Variants in NRSN1 observed in about 807,000 individuals in gnomAD.
The protein encoded by NRSN1 is neurensin 1.
Under a neutral mutation model 17.3 loss-of-function variants are expected in NRSN1, and 14 were observed. The ratio of observed to expected loss-of-function variants is 0.81; its 90% CI spans 0.54 to 1.27. The LOEUF (loss-of-function observed/expected upper bound fraction) is 1.27. Ranked by LOEUF, NRSN1 falls within the 50% of genes most tolerant of loss-of-function variation. The pLI is 0.00. For synonymous variants in NRSN1, 79 were observed against 94.2 expected (o/e 0.84, Z 0.93); for missense variants, 209 against 235.9 (o/e 0.89, Z 0.75).
At chr6:24,133,550 C>T (rs1760069267) in intron 2 of NRSN1, among the ~76,000 whole-genome samples, 1 of 152,192 alleles carries the variant, frequency 6.6e-6, no homozygotes, top group Non-Finnish European at 1.5e-5. Flanking sequence ...CTAAGACAAA[C>T]TCCATCTTCA....
At chr6:24,142,597 T>G (rs537688872) in intron 3 of NRSN1, among the ~76,000 whole-genome samples, 2 of 152,108 alleles carry the variant, frequency 1.3e-5, no homozygotes, top group Non-Finnish European at 2.9e-5. Flanking sequence ...GTAGCTGGGA[T>G]TACTGGCATG....
intron 3 of NRSN1, chr6:24,140,895 C>CTTTCCTTTCCAAT: frequency 7.6e-7 from 1 of 1,308,824 alleles, no homozygotes; most frequent in Non-Finnish European, 9.8e-7. Context: ...AATAAGTTCT[C>CTTTCCTTTCCAAT]TTTCCTTTCC....
chr6:24,143,208 C>G (rs1359765594), intron 3 of NRSN1, among the ~76,000 whole-genome samples: 1 of 152,188 alleles, frequency 6.6e-6, no homozygotes, highest in Non-Finnish European at 1.5e-5. Flanking sequence ...GGCTTCACCT[C>G]TCAGTCTCAA....
In NRSN1 at chr6:24,142,502, A is replaced by G. The variant is rs1581552810; in HGVS notation, c.190-3046A>G. Among the ~76,000 whole-genome samples the G allele has an allele frequency of 3.9e-5, 6 of 151,996 alleles. No homozygotes were observed. In the South Asian group the frequency reaches 1.3e-3, roughly 32 times the overall value. ...AGACAGAGTCTCACTCTTGTTGCCC[A>G]GGCTGGAGTACAACAATGTGATCTC... is the stretch of plus-strand genomic sequence containing the variant. On this transcript the variant is annotated intron_variant, in intron 3 of 3. Transcript: ENST00000378491.
chr6:24,143,745 A>G (rs989887325), intron 3 of NRSN1, among the ~76,000 whole-genome samples: 2 of 152,224 alleles, frequency 1.3e-5, no homozygotes, highest in African/African-American at 4.8e-5. Flanking sequence ...CTTTCCAAAT[A>G]AGAAGAATAG....
chr6:24,138,272 T>G (rs1296427662), intron 3 of NRSN1, among the ~76,000 whole-genome samples: 1 of 152,152 alleles, frequency 6.6e-6, no homozygotes, highest in Non-Finnish European at 1.5e-5. Flanking sequence ...CCACTTCTAA[T>G]TTATCCCACT....
intron 3 of NRSN1, among the ~76,000 whole-genome samples, chr6:24,140,133 T>C (rs1760179327): frequency 6.6e-6 from 1 of 152,150 alleles, no homozygotes; most frequent in African/African-American, 2.4e-5. Flanking sequence ...ATAAATTAGA[T>C]TTGACATTAG....
At position 24,145,792 on chromosome 6, in the gene NRSN1, A is replaced by G. The variant is rs907586052; in HGVS notation, c.434A>G (p.Lys145Arg). Residue 145 changes from lysine (K) to arginine (R), a missense_variant, in exon 4 of 4, where the codon AAA becomes AGA. Lys to Arg is a conservative substitution (Grantham distance 26, BLOSUM62 2). Transcript: ENST00000378491. The surrounding 1 kb of genome is among the most constrained non-coding windows in gnomAD (Gnocchi z 4.4). ...LMSVFVKSYS[K>R]EEKFLQQKFK... ...TCGGTGTTTGTAAAGAGCTACTCCA[A>G]AGAAGAAAAATTCCTCCAGCAGAAG... 1 of 1,614,184 alleles carries G rather than the reference A, an allele frequency of 6.2e-7. No individual in the cohort carries two copies. The highest frequency in any genetic ancestry group is 1.1e-5 in the South Asian group (1 of 91,086).
rs538911250 is a variant in NRSN1, at chr6:24,134,615, G to T, written c.189+99G>T. On this transcript the variant is annotated intron_variant, in intron 3 of 3. Coordinates refer to ENST00000378491, the MANE Select transcript of NRSN1 (RefSeq NM_080723.5). The stretch of plus-strand genomic sequence containing the variant: ...GATGGAGAGGTTTAGTACTCGCTGT[G>T]TGTGCATCACTCTTGGTGATACTAA... 4.3e-4 allele frequency: 401 copies of T among 927,404 alleles called. 7 individuals are homozygous for T. The South Asian group carries it at 6.1e-3, about 14-fold the overall frequency. 57.4% of individuals were successfully genotyped at this position (927,404 alleles called of 1,614,324 possible).
At chr6:24,134,645 A>G in intron 3 of NRSN1, 129 bp downstream of exon 3, 1 of 724,396 alleles carries the variant, frequency 1.4e-6, no homozygotes, top group East Asian at 2.7e-5. Flanking sequence ...TACTAAATGC[A>G]TTTTTCTTAC....
At chr6:24,140,865 A>G (rs1760192486) in intron 3 of NRSN1, 1 of 1,294,232 alleles carries the variant, frequency 7.7e-7, no homozygotes, top group Non-Finnish European at 9.9e-7. Flanking sequence ...AGCCCCCACC[A>G]GCAGAATTTC....
Position 24,146,226 on chromosome 6 carries a change from C to T in NRSN1, c.*280C>T, listed in dbSNP as rs16888718. ...GGAACTCCTCTTTCATAGATCGTGA[C>T]TTTGTGTTATTTTCCGTGTTGTTTG... On this transcript the variant is annotated 3_prime_UTR_variant, in exon 4 of 4. Coordinates refer to ENST00000378491, the MANE Select transcript of NRSN1 (RefSeq NM_080723.5). The T allele has an allele frequency of 0.07, 45,754 of 650,626 alleles. 2,055 individuals are homozygous for T. The highest frequency in any genetic ancestry group is 0.09 in the Non-Finnish European group (30,987 of 343,206). The allele number at this position is 650,626 out of a possible 1,614,324, so 40.3% of individuals were successfully genotyped here.
chr6:24,142,663 T>G (rs1200472860), intron 3 of NRSN1, among the ~76,000 whole-genome samples: 6 of 152,128 alleles, frequency 3.9e-5, no homozygotes, highest in Non-Finnish European at 7.4e-5. Flanking sequence ...TTGACCATGT[T>G]GGTCAGGCTT....
chr6:24,139,525 A>T (rs557280125), intron 3 of NRSN1, among the ~76,000 whole-genome samples: 1 of 152,202 alleles, frequency 6.6e-6, no homozygotes, highest in Non-Finnish European at 1.5e-5. Context: ...ACGCAAATAG[A>T]GAAAATGGGA....
At chr6:24,135,198 T>C (rs73389784) in intron 3 of NRSN1, among the ~76,000 whole-genome samples, 6,917 of 152,226 alleles carry the variant, frequency 0.045, 247 homozygotes, top group African/African-American at 0.1. Context: ...AACCACATGA[T>C]AGAATGTTAG....
Position 24,145,880 on chromosome 6 carries a change from A to G in NRSN1, c.522A>G (p.Pro174=), listed in dbSNP as rs1168336618. 3 of 1,614,118 alleles carry G rather than the reference A, an allele frequency of 1.9e-6. No homozygotes were observed. The highest frequency in any genetic ancestry group is 1.1e-5 in the South Asian group (1 of 91,072). ...AGCCGGTTACAAAAGCTCCAGGGCC[A>G]GGGGAAACAAAGATTCCAGTCACTT... ...HTQPVTKAPG[P]GETKIPVTLS... Residue 174 remains proline (P), a synonymous_variant, in exon 4 of 4, where the codon CCA becomes CCG. Transcript: ENST00000378491. This position sits in a 1 kb window ranked among gnomAD's most constrained non-coding sequence, Gnocchi z 4.4.
intron 2 of NRSN1, among the ~76,000 whole-genome samples, chr6:24,132,388 G>T (rs1306009641): frequency 6.6e-6 from 1 of 152,194 alleles, no homozygotes; most frequent in Non-Finnish European, 1.5e-5. Flanking sequence ...CTAGCTGGTT[G>T]CTTGATAAGT....
intron 2 of NRSN1, among the ~76,000 whole-genome samples, chr6:24,128,476 T>G (rs1759983892): frequency 6.6e-6 from 1 of 152,246 alleles, no homozygotes; most frequent in African/African-American, 2.4e-5. Flanking sequence ...TCTCTACCAC[T>G]GTTTCAGAAA....
Position 24,135,620 on chromosome 6 carries a change from C to T in NRSN1, c.189+1104C>T, listed in dbSNP as rs151169853. Among the ~76,000 whole-genome samples, 1,203 of 152,172 alleles carry T rather than the reference C, an allele frequency of 7.9e-3. 10 individuals are homozygous for T. The highest frequency in any genetic ancestry group is 0.012 in the Non-Finnish European group (840 of 67,988). On this transcript the variant is annotated intron_variant, in intron 3 of 3. Transcript: ENST00000378491. ...GTACCCAGGCAAAAGATGCTGGTGG[C>T]GTTAGTGGAGATGGTGAAAAGTAGT... is the stretch of plus-strand genomic sequence containing the variant.
Sources: gnomAD v4.1 joint callset for allele counts (sites outside exome capture counted in the v4.1 genomes callset) on GRCh38, gnomAD v4.1.1 for gene constraint, Gnocchi (gnomAD v3.1) non-coding constraint, MANE v1.5 for transcripts, NCBI Gene and HGNC (gene_info 2026-07-23, HGNC 2026-07-21) for gene names.